The following NKTR variants were observed in gnomAD, a reference collection of about 807,000 sequenced individuals.
NKTR encodes the protein natural killer cell triggering receptor, also known as NK-tumor recognition protein.
NKTR carries 67 observed loss-of-function variants against 156.3 expected under a neutral mutation model. That is an observed-to-expected ratio of 0.43 (90% CI 0.35 to 0.53). The LOEUF (loss-of-function observed/expected upper bound fraction) is 0.53. Among genes scored for constraint, NKTR ranks in the 20% least tolerant of loss-of-function variants. NKTR has a pLI of 0.01. For missense variants in NKTR, 1,604 were observed against 1,730.9 expected (o/e 0.93, Z 1.30); for synonymous variants, 640 against 596.6 (o/e 1.07, Z -1.06).
Position 42,632,630 on chromosome 3 carries a change from C to T in NKTR, c.580C>T (p.His194Tyr). ...TGAGAAAAAAAGGAAGAAACCAACT[C>T]ATTCAGAAGGCTCGGATTCCTCTTC... is the stretch of plus-strand genomic sequence containing the variant. Reference protein sequence around the residue: ...VFEKKRKKPTHSEGSDSSSNS... With the variant: ...VFEKKRKKPTYSEGSDSSSNS... Residue 194 changes from histidine (H) to tyrosine (Y), a missense_variant, in exon 9 of 17, where the codon CAT (histidine) becomes TAT (tyrosine). His to Tyr is a moderately conservative substitution (Grantham distance 83). Transcript: ENST00000232978. The T allele has an allele frequency of 1.9e-6, 3 of 1,610,512 alleles. No individual in the cohort carries two copies. The highest frequency in any genetic ancestry group is 2.5e-6 in the Non-Finnish European group (3 of 1,178,924).
chr3:42,600,888 A>G, intron 1 of NKTR, 96 bp from the exon 2 acceptor site: 1 of 721,414 alleles, frequency 1.4e-6, no homozygotes, highest in Non-Finnish European at 2.0e-6. Context: ...GGCGTGAGGC[A>G]CCGTGGCGCG....
chr3:42,624,628 A>G (rs1241949374), intron 6 of NKTR, among the ~76,000 whole-genome samples: 1 of 152,154 alleles, frequency 6.6e-6, no homozygotes, highest in Non-Finnish European at 1.5e-5. Context: ...AGAAACTGAT[A>G]GCTAGAAAAA....
At chr3:42,640,260 G>T (rs553101850) in intron 13 of NKTR, among the ~76,000 whole-genome samples, 1 of 152,264 alleles carries the variant, frequency 6.6e-6, no homozygotes, top group South Asian at 2.1e-4. Flanking sequence ...AGCAATAAAA[G>T]AATTTAAAAC....
intron 6 of NKTR, chr3:42,627,649 C>CA: frequency 5.1e-6 from 5 of 984,578 alleles, no homozygotes; most frequent in Non-Finnish European, 6.0e-6. Flanking sequence ...AAAGTAGATT[C>CA]AGGGGTCGGG....
chr3:42,648,494 T>A lies in NKTR; in HGVS notation c.*2519T>A, dbSNP rs1222201878. On this transcript the variant is annotated 3_prime_UTR_variant, in exon 17 of 17. Coordinates refer to ENST00000232978, the MANE Select transcript of NKTR (RefSeq NM_005385.4). ...CTTTTCTTCCTAAAGGGGATTGTTC[T>A]ACATTTTGAAGTTATTTTTTAATAA... is the stretch of plus-strand genomic sequence containing the variant. The A allele has an allele frequency of 6.6e-6, 1 of 152,596 alleles. No homozygotes were observed. The highest frequency in any genetic ancestry group is 2.4e-5 in the African/African-American group (1 of 41,472). 9.5% of individuals were successfully genotyped at this position (152,596 alleles called of 1,614,324 possible).
intron 2 of NKTR, among the ~76,000 whole-genome samples, chr3:42,610,098 T>G (rs185539494): frequency 6.6e-6 from 1 of 152,136 alleles, no homozygotes; most frequent in Non-Finnish European, 1.5e-5. Context: ...CTCTGCCTCC[T>G]GCGTTCAAGC....
rs992681554 is a variant in NKTR at position 42,638,858 on chromosome 3, A to G, written c.3154A>G (p.Lys1052Glu). 1.2e-6 allele frequency: 2 copies of G among 1,604,794 alleles called. No individual in the cohort carries two copies. The highest frequency in any genetic ancestry group is 1.7e-5 in the Admixed American group (1 of 57,598). Reference sequence around the variant, plus strand: ...AGTTTCTGAAAACAATGAAACCATAAAAGATAATATTCTAAAAACTGAGAA... The same window carrying G: ...AGTTTCTGAAAACAATGAAACCATAGAAGATAATATTCTAAAAACTGAGAA... ...KKVSENNETI[K>E]DNILKTEKSS... Residue 1052 changes from lysine (K) to glutamate (E), a missense_variant, in exon 13 of 17, where the codon AAA (lysine) becomes GAA (glutamate). Lys to Glu is a moderately conservative substitution (Grantham distance 56). Around this residue, in one of 6 missense-constraint regions of NKTR, gnomAD observed 1,255 missense variants for 1,243.7 expected, o/e 1.01. Coordinates refer to ENST00000232978, the MANE Select transcript of NKTR (RefSeq NM_005385.4).
rs1164388775 is a variant in NKTR, at chr3:42,637,619, A to G, written c.1915A>G (p.Lys639Glu). 2 of 1,610,358 alleles carry G rather than the reference A, an allele frequency of 1.2e-6. No individual in the cohort carries two copies. The highest frequency in any genetic ancestry group is 1.7e-6 in the Non-Finnish European group (2 of 1,179,066). Residue 639 changes from lysine (K) to glutamate (E), a missense_variant, in exon 13 of 17, where the codon AAA becomes GAA. Physicochemically the swap from Lys to Glu is moderately conservative, Grantham distance 56. This residue lies in a region of NKTR where 1,255 missense variants were observed against 1,243.7 expected (regional missense o/e 1.01). Coordinates refer to ENST00000232978, the MANE Select transcript of NKTR (RefSeq NM_005385.4). ...SYERIQEMKA[K>E]TTHLLPIQST... ...TGAGCGAATTCAGGAAATGAAAGCT[A>G]AAACAACCCATTTGCTACCCATCCA...
intron 11 of NKTR, 64 bp from the exon 12 acceptor site, chr3:42,635,157 C>T (rs1178358805): frequency 1.1e-5 from 15 of 1,319,422 alleles, no homozygotes. Context: ...TTACTTAACT[C>T]TGTCACATAG....
intron 11 of NKTR, chr3:42,634,989 C>T (rs1284817244): frequency 4.5e-6 from 2 of 448,888 alleles, no homozygotes; most frequent in Non-Finnish European, 3.9e-6. Context: ...TGAATCTCAG[C>T]CTTGCCCATC....
chr3:42,648,459 A>G lies in NKTR; in HGVS notation c.*2484A>G, dbSNP rs1710488642. ...TGTGTGTTTACTGACAGAGTGAACT[A>G]CAGAAATAGCTTTTCTTCCTAAAGG... On this transcript the variant is annotated 3_prime_UTR_variant, in exon 17 of 17. Transcript: ENST00000232978. 1 of 152,446 alleles carries G rather than the reference A, an allele frequency of 6.6e-6. No homozygotes were observed. Among genetic ancestry groups the G allele is most frequent in the Non-Finnish European group, 1.5e-5 (1 of 68,040 alleles). The allele number at this position is 152,446 out of a possible 1,614,324, so 9.4% of individuals were successfully genotyped here.
At chr3:42,620,188 A>G (rs1209229278) in intron 5 of NKTR, 5 of 1,288,488 alleles carry the variant, frequency 3.9e-6, no homozygotes, top group Non-Finnish European at 4.9e-6. Context: ...TATTTCATAC[A>G]TGCTTCTGTA....
chr3:42,617,791 A>G lies in NKTR; in HGVS notation c.133+147A>G, dbSNP rs191658814. 164 of 531,782 alleles carry G rather than the reference A, an allele frequency of 3.1e-4. No homozygotes were observed. The East Asian group carries it at 4.8e-3, about 15-fold the overall frequency. 32.9% of individuals were successfully genotyped at this position (531,782 alleles called of 1,614,324 possible). On this transcript the variant is annotated intron_variant, in intron 3 of 16. Transcript: ENST00000232978. Reference sequence around the variant, plus strand: ...AAAAGAGTTACTTATACTGACTTTTATATGAAATCAGGGAAGCATTTCTTA... The same window carrying G: ...AAAAGAGTTACTTATACTGACTTTTGTATGAAATCAGGGAAGCATTTCTTA...
At chr3:42,614,432 CTT>C (rs796700799) in intron 2 of NKTR, among the ~76,000 whole-genome samples, 3 of 140,560 alleles carry the variant, frequency 2.1e-5, no homozygotes, top group Admixed American at 7.1e-5. Flanking sequence ...ACCACATTGA[CTT>C]TTTTTTTTTT....
In NKTR at chr3:42,637,530, C is replaced by T; in HGVS notation, c.1826C>T (p.Pro609Leu). 6.2e-7 allele frequency: 1 copy of T among 1,613,972 alleles called. No homozygotes were observed. Among genetic ancestry groups the T allele is most frequent in the Non-Finnish European group, 8.5e-7 (1 of 1,180,000 alleles). Reference protein sequence around the residue: ...PVVAENIPVIPLSDSPPPSRW... With the variant: ...PVVAENIPVILLSDSPPPSRW... ...GTAGCAGAAAATATTCCTGTAATAC[C>T]ACTGAGTGACAGTCCCCCCCCTTCA... The change falls in exon 13 of 17, where the codon CCA becomes CTA. Residue 609 changes from proline to leucine, a missense_variant. Physicochemically the swap from Pro to Leu is moderately conservative, Grantham distance 98. Transcript: ENST00000232978.
chr3:42,629,822 TC>T, intron 6 of NKTR: 1 of 985,446 alleles, frequency 1.0e-6, no homozygotes, highest in Non-Finnish European at 1.2e-6. Context: ...AGAGTGACTG[TC>T]TGACAGTTGG....
intron 6 of NKTR, among the ~76,000 whole-genome samples, chr3:42,625,339 T>C (rs1160831639): frequency 6.6e-6 from 1 of 151,662 alleles, no homozygotes; most frequent in African/African-American, 2.4e-5. Context: ...TATAACAATG[T>C]AAGAAAACAA....
chr3:42,616,337 T>C (rs1213233750), intron 2 of NKTR, among the ~76,000 whole-genome samples: 1 of 152,242 alleles, frequency 6.6e-6, no homozygotes, highest in African/African-American at 2.4e-5. Context: ...ACGTTTCTTA[T>C]TTTATTGATA....
rs1709502085 is a variant in NKTR, at chr3:42,637,170, C to T, written c.1466C>T (p.Ser489Leu). Residue 489 changes from serine to leucine, a missense_variant, in exon 13 of 17, where the codon TCA (serine) becomes TTA (leucine). By Grantham distance (145) the Ser-to-Leu change is moderately radical (BLOSUM62 -2). Transcript: ENST00000232978. ...AGAGAAAGGAGTTCTCGTTCTTCCT[C>T]ATTGTCATCTCATCACTCATCAAAG... The part of the protein sequence containing the change: ...CDRERSSRSS[S>L]LSSHHSSKRD... 3.7e-6 allele frequency: 6 copies of T among 1,611,706 alleles called. 1 individual carries two copies. The highest frequency in any genetic ancestry group is 3.3e-5 in the South Asian group (3 of 90,452).
Sources: gnomAD v4.1 joint callset for allele counts (sites outside exome capture counted in the v4.1 genomes callset) on GRCh38, gnomAD v4.1.1 for gene constraint, gnomAD v4.1.1 regional missense constraint, MANE v1.5 for transcripts, NCBI Gene and HGNC (gene_info 2026-07-23, HGNC 2026-07-21) for gene names.